MYRIP: variants seen among roughly 807,000 people sequenced by gnomAD.
MYRIP encodes the protein myosin VIIA and Rab interacting protein.
In MYRIP, 49 loss-of-function variants were observed where a neutral mutation model predicts 98.0. That is an observed-to-expected ratio of 0.50 (90% CI 0.40 to 0.63). The LOEUF is 0.63. Among genes scored for constraint, MYRIP ranks in the 30% least tolerant of loss-of-function variants. The pLI is 0.00. For missense variants in MYRIP, 1,004 were observed against 1,058.2 expected (o/e 0.95, Z 0.71); for synonymous variants, 404 against 409.5 (o/e 0.99, Z 0.16).
intron 2 of MYRIP, among the ~76,000 whole-genome samples, chr3:39,982,758 A>G (rs1415976831): frequency 6.6e-6 from 1 of 152,122 alleles, no homozygotes; most frequent in Non-Finnish European, 1.5e-5. Flanking sequence ...TCATCATCCT[A>G]ATTACCATGC....
chr3:39,885,510 G>A (rs916270032), intron 1 of MYRIP, among the ~76,000 whole-genome samples: 5 of 152,056 alleles, frequency 3.3e-5, no homozygotes, highest in African/African-American at 7.2e-5. Context: ...TCTTTCTGGC[G>A]TTCTCTGTAT....
chr3:39,942,472 T>C lies in MYRIP; in HGVS notation c.110+41546T>C, dbSNP rs1486200888. 7.2e-5 allele frequency among the ~76,000 whole-genome samples: 11 copies of C among 152,290 alleles called. No homozygotes were observed. The East Asian group carries it at 1.9e-3, about 27-fold the overall frequency. ...GCAAATTCTCCTTCTATTTTAGGTA[T>C]GTTAATCAACAAAGACACCTAGGTT... is the stretch of plus-strand genomic sequence containing the variant. On this transcript the variant is annotated intron_variant, in intron 2 of 16. Coordinates refer to ENST00000302541, the MANE Select transcript of MYRIP (RefSeq NM_015460.4).
At chr3:40,137,566 G>C (rs1949806535) in intron 3 of MYRIP, among the ~76,000 whole-genome samples, 2 of 152,118 alleles carry the variant, frequency 1.3e-5, no homozygotes, top group African/African-American at 4.8e-5. Context: ...CCAAAGCCTG[G>C]CACAGACACA....
intron 10 of MYRIP, among the ~76,000 whole-genome samples, chr3:40,196,500 C>T (rs2125639566): frequency 6.6e-6 from 1 of 152,110 alleles, no homozygotes; most frequent in South Asian, 2.1e-4. Context: ...TAACACTTTG[C>T]TTTGTTTTTG....
chr3:40,219,641 A>G (rs568609811), intron 11 of MYRIP, among the ~76,000 whole-genome samples: 3 of 152,220 alleles, frequency 2.0e-5, no homozygotes, highest in Non-Finnish European at 4.4e-5. Flanking sequence ...AGCTTCATCC[A>G]TGTCCCTACA....
intron 2 of MYRIP, among the ~76,000 whole-genome samples, chr3:40,034,895 A>G (rs913740972): frequency 1.4e-5 from 2 of 147,266 alleles, no homozygotes; most frequent in African/African-American, 5.4e-5. Flanking sequence ...ATGCAGCCAT[A>G]AAAAAGGATG....
chr3:39,953,627 C>T lies in MYRIP; in HGVS notation c.110+52701C>T, dbSNP rs181454703. The stretch of plus-strand genomic sequence containing the variant: ...CTCCCAGTGTGAGCGACACAGAAGA[C>T]GGGTGATTTCTGCATTTCCAACTGA... On this transcript the variant is annotated intron_variant, in intron 2 of 16. Coordinates refer to ENST00000302541, the MANE Select transcript of MYRIP (RefSeq NM_015460.4). 7.2e-4 allele frequency among the ~76,000 whole-genome samples: 109 copies of T among 152,228 alleles called. 1 individual carries two copies. Among genetic ancestry groups the T allele is most frequent in the Admixed American group, 2.9e-3 (44 of 15,294 alleles).
At chr3:40,223,878 G>A (rs894330136) in intron 11 of MYRIP, among the ~76,000 whole-genome samples, 15 of 152,170 alleles carry the variant, frequency 9.9e-5, no homozygotes, top group Non-Finnish European at 1.5e-4. Flanking sequence ...AGTGATAAGT[G>A]CTAAGAAGAT....
chr3:39,960,408 A>C (rs1188788452), intron 2 of MYRIP, among the ~76,000 whole-genome samples: 1 of 152,148 alleles, frequency 6.6e-6, no homozygotes, highest in African/African-American at 2.4e-5. Flanking sequence ...TTACTTAGGG[A>C]GGCAAAGTTT....
chr3:40,013,553 G>A (rs563220856), intron 2 of MYRIP, among the ~76,000 whole-genome samples: 1 of 152,348 alleles, frequency 6.6e-6, no homozygotes, highest in African/African-American at 2.4e-5. Flanking sequence ...GTTGTTTTCT[G>A]TGGCATCTCA....
intron 2 of MYRIP, among the ~76,000 whole-genome samples, chr3:39,913,583 A>G (rs1399668669): frequency 6.6e-6 from 1 of 152,228 alleles, no homozygotes; most frequent in Non-Finnish European, 1.5e-5. Context: ...GAACCCCTGA[A>G]ATGGACTAAG....
At chr3:39,907,892 C>G (rs1446552343) in intron 2 of MYRIP, among the ~76,000 whole-genome samples, 2 of 152,086 alleles carry the variant, frequency 1.3e-5, no homozygotes, top group African/African-American at 4.8e-5. Context: ...ATATCCAGAC[C>G]TAAACTGGAA....
chr3:39,813,170 C>T (rs1039035787), intron 1 of MYRIP, among the ~76,000 whole-genome samples: 2 of 152,226 alleles, frequency 1.3e-5, no homozygotes, highest in African/African-American at 4.8e-5. Context: ...TCACAGAGCC[C>T]TGTCGATGCT....
chr3:39,809,824 G>T lies in MYRIP; in HGVS notation c.-123G>T, dbSNP rs1421170192. On this transcript the variant is annotated 5_prime_UTR_variant, in exon 1 of 17. Transcript: ENST00000302541. Reference sequence around the variant, plus strand: ...CCTCTAATCCACGCGGCGCGTTGCGGCAGGTGCCCTGGGCGTACTGAGGCG... The same window carrying T: ...CCTCTAATCCACGCGGCGCGTTGCGTCAGGTGCCCTGGGCGTACTGAGGCG... 1 of 152,296 alleles carries T rather than the reference G, an allele frequency of 6.6e-6. No homozygotes were observed. The highest frequency in any genetic ancestry group is 1.9e-4 in the East Asian group (1 of 5,172). The allele number at this position is 152,296 out of a possible 1,614,324, so 9.4% of individuals were successfully genotyped here. A position where few individuals can be genotyped will look rare whatever the true frequency, so the allele number is the denominator to read the frequency against.
rs75462673 is a variant in MYRIP, at chr3:40,052,112, T to C, written c.332+7841T>C. 5.9e-3 allele frequency among the ~76,000 whole-genome samples: 897 copies of C among 152,242 alleles called. 10 individuals are homozygous for C. Among genetic ancestry groups the C allele is most frequent in the African/African-American group, 0.021 (862 of 41,558 alleles). On this transcript the variant is annotated intron_variant, in intron 3 of 16. Coordinates refer to ENST00000302541, the MANE Select transcript of MYRIP (RefSeq NM_015460.4). ...TAACTGTAATTTCCCTACTATACTATTGAATACTATAACTTTTTCCTTCCA... is the reference window on the plus strand; with the variant it reads ...TAACTGTAATTTCCCTACTATACTACTGAATACTATAACTTTTTCCTTCCA...
chr3:39,941,501 G>GTATA (rs1316329304), intron 2 of MYRIP, among the ~76,000 whole-genome samples: 2 of 146,722 alleles, frequency 1.4e-5, no homozygotes, highest in African/African-American at 5.3e-5. Context: ...GTGTGTGTGT[G>GTATA]TGTGTGTGTA....
At chr3:40,086,707 G>A (rs1325034580) in intron 3 of MYRIP, among the ~76,000 whole-genome samples, 1 of 152,176 alleles carries the variant, frequency 6.6e-6, no homozygotes, top group Admixed American at 6.5e-5. Context: ...GTTCCACTAT[G>A]CATCAGAGAT....
intron 2 of MYRIP, among the ~76,000 whole-genome samples, chr3:40,025,988 C>T (rs549592087): frequency 2.0e-5 from 3 of 152,180 alleles, no homozygotes; most frequent in South Asian, 2.1e-4. Flanking sequence ...AAACAGGATT[C>T]GAGAGCAGAG....
intron 2 of MYRIP, among the ~76,000 whole-genome samples, chr3:40,037,211 A>G (rs958451090): frequency 6.6e-6 from 1 of 152,086 alleles, no homozygotes; most frequent in Non-Finnish European, 1.5e-5. Flanking sequence ...TCAGCTACAC[A>G]TTTGTCTCAG....
Sources: allele counts gnomAD v4.1 joint callset (sites outside exome capture counted in the v4.1 genomes callset), GRCh38; gene constraint gnomAD v4.1.1; transcripts MANE v1.5; gene names NCBI Gene and HGNC (gene_info 2026-07-23, HGNC 2026-07-21).